The following TGFBR2 variants were observed in gnomAD, a reference collection of about 807,000 sequenced individuals.
TGFBR2 encodes transforming growth factor beta receptor 2.
A neutral mutation model predicts 49.0 loss-of-function variants in TGFBR2; 18 were observed. The ratio of observed to expected loss-of-function variants is 0.37; its 90% CI spans 0.25 to 0.54. The LOEUF is 0.54. TGFBR2 is among the 20% of genes least tolerant of loss of function. The pLI, the probability that TGFBR2 is intolerant of heterozygous loss-of-function variation, is 0.85. For synonymous variants in TGFBR2, 282 were observed against 275.9 expected, an observed-to-expected ratio of 1.02 and a Z score of -0.22; for missense variants, 525 against 722.6, an observed-to-expected ratio of 0.73 and a Z score of 3.13.
Position 30,674,243 on chromosome 3 carries a change from G to T in TGFBR2, c.1393G>T (p.Gly465Ter), listed in dbSNP as rs144766594. 3 of 1,614,014 alleles carry T rather than the reference G, an allele frequency of 1.9e-6. No homozygotes were observed. In the African/African-American group the frequency reaches 4.0e-5, roughly 22 times the overall value. ...AATGACATCTCGCTGTAATGCAGTG[G>T]GAGGTAGGTGTGGACCAGCATCATT... is the stretch of plus-strand genomic sequence containing the variant. ...WEMTSRCNAV[G>*]EVKDYEPPFG... Residue 465 changes from glycine (G) to a stop codon, truncating the protein, a stop_gained, in exon 5 of 7, where the codon GGA becomes TGA. Coordinates refer to ENST00000295754, the MANE Select transcript of TGFBR2 (RefSeq NM_003242.6). LOFTEE classifies it high-confidence loss of function.
At chr3:30,652,299 A>G (rs1044556390) in intron 3 of TGFBR2, among the ~76,000 whole-genome samples, 1 of 136,974 alleles carries the variant, frequency 7.3e-6, no homozygotes, top group Non-Finnish European at 1.5e-5. Context: ...CAATGGCACG[A>G]TCTTGGCTCA....
At chr3:30,629,327 G>C (rs1428295462) in intron 1 of TGFBR2, among the ~76,000 whole-genome samples, 1 of 152,096 alleles carries the variant, frequency 6.6e-6, no homozygotes. Context: ...CTTGACTTTT[G>C]AACAATGTGT....
rs758827786 is a variant in TGFBR2, at chr3:30,671,828, C to T, written c.645C>T (p.His215=). 6.2e-7 allele frequency: 1 copy of T among 1,614,126 alleles called. No homozygotes were observed. The highest frequency in any genetic ancestry group is 8.5e-7 in the Non-Finnish European group (1 of 1,180,050). The stretch of plus-strand genomic sequence containing the variant: ...GGAAGCTCATGGAGTTCAGCGAGCA[C>T]TGTGCCATCATCCTGGAAGATGACC... ...KTRKLMEFSE[H]CAIILEDDRS... is the part of the protein sequence containing the mutation. The change falls in exon 4 of 7, where the codon CAC becomes CAT. Residue 215 remains histidine, a synonymous_variant. Coordinates refer to ENST00000295754, the MANE Select transcript of TGFBR2 (RefSeq NM_003242.6).
rs1699540924 is a variant in TGFBR2 at position 30,681,556 on chromosome 3, G to C, written c.1397-6828G>C. On this transcript the variant is annotated intron_variant, in intron 5 of 6. Transcript: ENST00000295754. ...AGACAAATTAAAAGAAGCTGCGAGG[G>C]CCGGGCGGTTGCGGGTGGCTTCCAT... 2.6e-5 allele frequency among the ~76,000 whole-genome samples: 4 copies of C among 152,188 alleles called. No individual in the cohort carries two copies. The South Asian group carries it at 8.3e-4, about 32-fold the overall frequency.
chr3:30,661,038 T>C (rs1417061248), intron 3 of TGFBR2, among the ~76,000 whole-genome samples: 6 of 152,240 alleles, frequency 3.9e-5, no homozygotes, highest in Admixed American at 3.3e-4. Context: ...TCCAAAGCGA[T>C]CTGGTCTCCC....
chr3:30,660,389 T>G (rs1699098677), intron 3 of TGFBR2, among the ~76,000 whole-genome samples: 1 of 152,198 alleles, frequency 6.6e-6, no homozygotes, highest in Non-Finnish European at 1.5e-5. Flanking sequence ...CTCCTGCAGT[T>G]TCTGACTTAA....
In TGFBR2 at chr3:30,620,784, T is replaced by G. The variant is rs559489077; in HGVS notation, c.94+13807T>G. Among the ~76,000 whole-genome samples the G allele has an allele frequency of 3.3e-5, 5 of 152,236 alleles. No individual in the cohort carries two copies. In the South Asian group the frequency reaches 1.0e-3, roughly 32 times the overall value. ...ATGAGTCATAGATGATTTCAGTCAT[T>G]GGGATTGCTGGAATAGGGATGGCTG... On this transcript the variant is annotated intron_variant, in intron 1 of 6. Transcript: ENST00000295754.
At chr3:30,611,296 G>A (rs6550006) in intron 1 of TGFBR2, among the ~76,000 whole-genome samples, 123,338 of 152,198 alleles carry the variant, frequency 0.81, 50,124 homozygotes, top group East Asian at 0.9. Context: ...GTCACTGTTT[G>A]TTAGGTGTTT....
In TGFBR2 at chr3:30,691,794, A is replaced by G; in HGVS notation, c.*195A>G. The G allele has an allele frequency of 3.2e-6, 2 of 619,206 alleles. No homozygotes were observed. The highest frequency in any genetic ancestry group is 1.8e-5 in the South Asian group (1 of 54,588). The allele number at this position is 619,206 out of a possible 1,614,324, so 38.4% of individuals were successfully genotyped here. On this transcript the variant is annotated 3_prime_UTR_variant, in exon 7 of 7. Coordinates refer to ENST00000295754, the MANE Select transcript of TGFBR2 (RefSeq NM_003242.6). The stretch of plus-strand genomic sequence containing the variant: ...ACATAGAGCATTCTATGCCTTTGAC[A>G]TTGTCATAGGATAAGCTGTGTTAGC...
At chr3:30,668,433 G>A (rs1405493801) in intron 3 of TGFBR2, among the ~76,000 whole-genome samples, 1 of 152,186 alleles carries the variant, frequency 6.6e-6, no homozygotes, top group Non-Finnish European at 1.5e-5. Context: ...TGGAGTTTCA[G>A]GCAGGGAGCA....
chr3:30,652,895 A>G (rs1698920769), intron 3 of TGFBR2, among the ~76,000 whole-genome samples: 1 of 152,250 alleles, frequency 6.6e-6, no homozygotes, highest in Non-Finnish European at 1.5e-5. Flanking sequence ...AGCCTTTCAG[A>G]TACTAATGAC....
intron 1 of TGFBR2, among the ~76,000 whole-genome samples, chr3:30,638,629 G>A (rs1698587431): frequency 6.6e-6 from 1 of 152,232 alleles, no homozygotes; most frequent in African/African-American, 2.4e-5. Flanking sequence ...TGCAATAGAT[G>A]TTCAGCAAAA....
At chr3:30,666,216 C>G (rs1332724466) in intron 3 of TGFBR2, among the ~76,000 whole-genome samples, 1 of 152,016 alleles carries the variant, frequency 6.6e-6, no homozygotes, top group African/African-American at 2.4e-5. Context: ...TGGATAAATT[C>G]CACCCTTATT....
intron 1 of TGFBR2, chr3:30,626,839 G>A (rs545889873): frequency 1.3e-5 from 2 of 152,352 alleles, no homozygotes; most frequent in East Asian, 3.9e-4. Context: ...GATAGATCTG[G>A]TAGGGAGGTA....
chr3:30,690,568 A>G (rs1279638660), intron 6 of TGFBR2, among the ~76,000 whole-genome samples: 1 of 152,230 alleles, frequency 6.6e-6, no homozygotes, highest in East Asian at 1.9e-4. Context: ...TGTGTGGCCT[A>G]TAGAAAATGA....
At chr3:30,669,542 AT>A (rs930104880) in intron 3 of TGFBR2, among the ~76,000 whole-genome samples, 5 of 152,148 alleles carry the variant, frequency 3.3e-5, no homozygotes, top group Admixed American at 3.3e-4. Flanking sequence ...GGGCTCACAG[AT>A]TGGTTCAATC....
intron 1 of TGFBR2, among the ~76,000 whole-genome samples, chr3:30,639,732 A>G (rs1049684390): frequency 1.3e-5 from 2 of 152,220 alleles, no homozygotes; most frequent in Non-Finnish European, 2.9e-5. Context: ...TTGTAGAACA[A>G]ATAAATTTCT....
chr3:30,627,166 A>C (rs764843386), intron 1 of TGFBR2, among the ~76,000 whole-genome samples: 23 of 152,122 alleles, frequency 1.5e-4, no homozygotes, highest in Non-Finnish European at 3.2e-4. Flanking sequence ...TTCTGTCCAG[A>C]CCTCGTTCCG....
intron 1 of TGFBR2, among the ~76,000 whole-genome samples, chr3:30,608,551 G>A (rs912739157): frequency 6.6e-6 from 1 of 152,148 alleles, no homozygotes; most frequent in African/African-American, 2.4e-5. Flanking sequence ...GACATGGGCA[G>A]ATTTACCTTT....
Sources: allele counts gnomAD v4.1 joint callset (sites outside exome capture counted in the v4.1 genomes callset), GRCh38; gene constraint gnomAD v4.1.1; transcripts MANE v1.5; gene names NCBI Gene and HGNC (gene_info 2026-07-23, HGNC 2026-07-21).